Variants in FBXO34 observed in about 807,000 individuals in gnomAD.
The protein encoded by FBXO34 is F-box protein 34.
A neutral mutation model predicts 24.5 loss-of-function variants in FBXO34; 12 were observed. The observed-to-expected ratio is 0.49, with a 90% CI of 0.31 to 0.79. The LOEUF (loss-of-function observed/expected upper bound fraction) is 0.79, where lower values mean the gene tolerates loss of function less well. Among genes scored for constraint, FBXO34 ranks in the 30% least tolerant of loss-of-function variants. The probability of loss-of-function intolerance (pLI) is 0.04; values close to 1 mark genes in which losing one functional copy is unlikely to be tolerated. For synonymous variants in FBXO34, 320 were observed against 311.9 expected, an observed-to-expected ratio of 1.03 and a Z score of -0.27; for missense variants, 823 against 857.7, an observed-to-expected ratio of 0.96 and a Z score of 0.51.
intron 1 of FBXO34, among the ~76,000 whole-genome samples, chr14:55,287,169 G>A (rs1446387351): frequency 2.0e-5 from 3 of 152,136 alleles, no homozygotes; most frequent in Non-Finnish European, 4.4e-5. Context: ...GCCTCCCAAA[G>A]TGCTGGGATT....
chr14:55,272,206 ACC>A (rs1594715788), intron 1 of FBXO34: 1 of 151,988 alleles, frequency 6.6e-6, no homozygotes, highest in East Asian at 1.9e-4. Flanking sequence ...GGCCGGGGGG[ACC>A]CGCAGGGTAG....
chr14:55,336,983 T>A (rs554562502), intron 1 of FBXO34, among the ~76,000 whole-genome samples: 138 of 147,190 alleles, frequency 9.4e-4, no homozygotes, highest in Admixed American at 1.4e-3. Flanking sequence ...TATTTTATTT[T>A]TTTTTTTTTT....
chr14:55,436,500 G>T, the FBXO34 span: 1 of 1,372,326 alleles, frequency 7.3e-7, no homozygotes, highest in Non-Finnish European at 1.0e-6. Flanking sequence ...AGTTGTCATC[G>T]CATTCAGGAA....
At chr14:55,385,926 G>A in the FBXO34 span, 5 of 1,614,094 alleles carry the variant, frequency 3.1e-6, no homozygotes, top group Non-Finnish European at 4.2e-6. Flanking sequence ...TGGGATCGTC[G>A]AAGATTTGCC....
intron 1 of FBXO34, among the ~76,000 whole-genome samples, chr14:55,291,664 C>A (rs1032284354): frequency 2.6e-5 from 4 of 151,998 alleles, no homozygotes; most frequent in African/African-American, 9.7e-5. Flanking sequence ...CAAGACCCCA[C>A]CTCTAATAAA....
chr14:55,435,563 C>T, the FBXO34 span, among the ~76,000 whole-genome samples: 203 of 152,172 alleles, frequency 1.3e-3, 1 homozygote, highest in Middle Eastern at 0.01. Flanking sequence ...AGTGAGCCAC[C>T]GTGCCCAGCC....
At chr14:55,402,008 G>GTAGCCCAT in the FBXO34 span, among the ~76,000 whole-genome samples, 1 of 152,148 alleles carries the variant, frequency 6.6e-6, no homozygotes, top group Admixed American at 6.5e-5. Flanking sequence ...TCTGTTCCCC[G>GTAGCCCAT]GCTACAATCA....
At chr14:55,428,519 C>T in the FBXO34 span, among the ~76,000 whole-genome samples, 1 of 152,160 alleles carries the variant, frequency 6.6e-6, no homozygotes, top group South Asian at 2.1e-4. Context: ...TTTTTAGAAA[C>T]ACAAATTCTA....
the FBXO34 span, chr14:55,380,670 C>G: frequency 1.2e-6 from 2 of 1,607,260 alleles, no homozygotes; most frequent in African/African-American, 1.3e-5. Context: ...ATGGTGTAGG[C>G]AGGGTTACTC....
In FBXO34 at chr14:55,283,035, T is replaced by A. The variant is rs1044738383; in HGVS notation, c.-11+11498T>A. Among the ~76,000 whole-genome samples, 4 of 152,198 alleles carry A rather than the reference T, an allele frequency of 2.6e-5. No homozygotes were observed. The East Asian group carries it at 7.7e-4, about 29-fold the overall frequency. On this transcript the variant is annotated intron_variant, in intron 1 of 1. Transcript: ENST00000313833. ...GTTGTCAGTACTTTTTTACAAACCC[T>A]AGTCACTTTAACCCTAGGGAATAGG...
chr14:55,363,848 G>C (rs1438520250), downstream of FBXO34, among the ~76,000 whole-genome samples: 1 of 151,492 alleles, frequency 6.6e-6, no homozygotes, highest in Non-Finnish European at 1.5e-5. Flanking sequence ...CAAAAGATTG[G>C]ACACTCCTGC....
At chr14:55,303,849 G>C (rs1293476613) in intron 1 of FBXO34, among the ~76,000 whole-genome samples, 1 of 152,130 alleles carries the variant, frequency 6.6e-6, no homozygotes, top group Non-Finnish European at 1.5e-5. Context: ...AAGAAGAAAT[G>C]AGAGTGTCCA....
chr14:55,293,590 TA>T (rs1283600987), intron 1 of FBXO34, among the ~76,000 whole-genome samples: 1 of 151,304 alleles, frequency 6.6e-6, no homozygotes, highest in East Asian at 1.9e-4. Context: ...AAGATTTCTG[TA>T]AATCTCTGCT....
rs780657755 is a variant in FBXO34 at position 55,351,777 on chromosome 14, G to A, written c.1387G>A (p.Val463Ile). The A allele has an allele frequency of 1.2e-6, 2 of 1,614,170 alleles. No individual in the cohort carries two copies. The highest frequency in any genetic ancestry group is 8.5e-7 in the Non-Finnish European group (1 of 1,180,022). ...GTGCATTAGTATCACTGTGTCCAAG[G>A]TAGACAAAGACCAGCCTTCCATTTT... ...SLCISITVSK[V>I]DKDQPSILNS... is the part of the protein sequence containing the mutation. The change falls in exon 2 of 2, where the codon GTA (valine) becomes ATA (isoleucine). Residue 463 changes from valine to isoleucine, a missense_variant. Coordinates refer to ENST00000313833, the MANE Select transcript of FBXO34 (RefSeq NM_017943.4).
chr14:55,429,509 A>G, the FBXO34 span, among the ~76,000 whole-genome samples: 1 of 152,166 alleles, frequency 6.6e-6, no homozygotes, highest in Non-Finnish European at 1.5e-5. Context: ...CACGCCTGTA[A>G]TCCCAGCACT....
At chr14:55,374,411 T>C (rs552273988), downstream of FBXO34, among the ~76,000 whole-genome samples, 1 of 152,348 alleles carries the variant, frequency 6.6e-6, no homozygotes, top group Non-Finnish European at 1.5e-5. Context: ...TTTCCTGTAC[T>C]GATTTGAAAG....
chr14:55,365,000 C>T (rs1884648334), downstream of FBXO34, among the ~76,000 whole-genome samples: 1 of 148,234 alleles, frequency 6.7e-6, no homozygotes, highest in African/African-American at 2.5e-5. Flanking sequence ...GCGAGCAGAT[C>T]ACGAGATCAG....
downstream of FBXO34, among the ~76,000 whole-genome samples, chr14:55,371,216 A>C (rs951710033): frequency 4.6e-5 from 7 of 152,210 alleles, no homozygotes; most frequent in African/African-American, 1.7e-4. Flanking sequence ...CAGAAATGAG[A>C]GCCTAGAATC....
chr14:55,283,944 A>ATGTGTGTGTGTGTGTGTGTG (rs71131258), intron 1 of FBXO34, among the ~76,000 whole-genome samples: 19 of 142,588 alleles, frequency 1.3e-4, no homozygotes, highest in South Asian at 2.3e-4. Flanking sequence ...TTCTAAGACT[A>ATGTGTGTGTGTGTGTGTGTG]TGTGTGTGTG....
Sources: allele counts gnomAD v4.1 joint callset (sites outside exome capture counted in the v4.1 genomes callset), GRCh38; gene constraint gnomAD v4.1.1; transcripts MANE v1.5; gene names NCBI Gene and HGNC (gene_info 2026-07-23, HGNC 2026-07-21).